The following EXOC6B variants were observed in gnomAD, a reference collection of about 807,000 sequenced individuals.
EXOC6B encodes the protein SEC15 homolog B.
Under a neutral mutation model 113.5 loss-of-function variants are expected in EXOC6B, and 54 were observed. The ratio of observed to expected loss-of-function variants is 0.48; its 90% CI spans 0.38 to 0.60. The LOEUF is 0.60. EXOC6B is among the 20% of genes least tolerant of loss of function. EXOC6B has a pLI of 0.00. For synonymous variants in EXOC6B, 357 were observed against 339.0 expected, an observed-to-expected ratio of 1.05 and a Z score of -0.58; for missense variants, 797 against 977.5, an observed-to-expected ratio of 0.82 and a Z score of 2.46.
intron 11 of EXOC6B, among the ~76,000 whole-genome samples, chr2:72,501,158 G>T (rs529275668): frequency 6.6e-6 from 1 of 152,188 alleles, no homozygotes; most frequent in Non-Finnish European, 1.5e-5. Flanking sequence ...CTAGTGATAT[G>T]GTTTGGATAT....
chr2:72,773,198 C>T (rs546661046), intron 1 of EXOC6B, among the ~76,000 whole-genome samples: 133 of 136,252 alleles, frequency 9.8e-4, no homozygotes, highest in Non-Finnish European at 1.7e-3. Flanking sequence ...GCAATCATGA[C>T]TCACTGCAGC....
intron 6 of EXOC6B, among the ~76,000 whole-genome samples, chr2:72,709,053 AT>A (rs1245125405): frequency 6.6e-6 from 1 of 150,960 alleles, no homozygotes; most frequent in Non-Finnish European, 1.5e-5. Flanking sequence ...TATAATTAAA[AT>A]TTAAAAAAAA....
Position 72,697,308 on chromosome 2 carries a change from A to T in EXOC6B, c.669+20795T>A, listed in dbSNP as rs1048878842. Among the ~76,000 whole-genome samples the T allele has an allele frequency of 3.4e-4, 52 of 152,086 alleles. 1 individual carries two copies. Among genetic ancestry groups the T allele is most frequent in the African/African-American group, 1.2e-3 (50 of 41,408 alleles). On this transcript the variant is annotated intron_variant, in intron 6 of 21. Transcript: ENST00000272427. ...CCACTTCCTTTGAAGAAAATTCAAA[A>T]TTTTTTAAGAAAATCTCTTAAAAAT...
chr2:72,690,089 G>A (rs1677374026), intron 6 of EXOC6B, among the ~76,000 whole-genome samples: 1 of 152,108 alleles, frequency 6.6e-6, no homozygotes, highest in South Asian at 2.1e-4. Flanking sequence ...CTGCCTATGA[G>A]GCTATGAGGA....
intron 18 of EXOC6B, among the ~76,000 whole-genome samples, chr2:72,395,133 G>C (rs1692640473): frequency 6.6e-6 from 1 of 152,076 alleles, no homozygotes; most frequent in African/African-American, 2.4e-5. Flanking sequence ...TTAATAATGT[G>C]ACAAAGCAAG....
chr2:72,746,636 A>G (rs1681715087), intron 1 of EXOC6B, among the ~76,000 whole-genome samples: 1 of 152,132 alleles, frequency 6.6e-6, no homozygotes, highest in Admixed American at 6.6e-5. Context: ...CTTAGAGCCT[A>G]TATTAATTCA....
chr2:72,179,292 C>A lies in EXOC6B; in HGVS notation c.*43G>T. 6.5e-7 allele frequency: 1 copy of A among 1,535,132 alleles called. No homozygotes were observed. Among genetic ancestry groups the A allele is most frequent in the Non-Finnish European group, 8.8e-7 (1 of 1,141,014 alleles). Reference sequence around the variant, plus strand: ...GCTGGGGCTGGACCCCAGACTGACACAGAGGCTGCAGCAGGTCGCCTCTGT... The same window carrying A: ...GCTGGGGCTGGACCCCAGACTGACAAAGAGGCTGCAGCAGGTCGCCTCTGT... On this transcript the variant is annotated 3_prime_UTR_variant, in exon 22 of 22. Coordinates refer to ENST00000272427, the MANE Select transcript of EXOC6B (RefSeq NM_015189.3).
chr2:72,258,361 C>CTTTTTTTTTTTTTTTTTTTTT (rs967346322), intron 20 of EXOC6B, among the ~76,000 whole-genome samples: 4 of 124,838 alleles, frequency 3.2e-5, no homozygotes, highest in African/African-American at 3.0e-5. Context: ...TTATCTTTTT[C>CTTTTTTTTTTTTTTTTTTTTT]TTTTTTTTTT....
At chr2:72,189,788 C>A (rs1002894843) in intron 20 of EXOC6B, among the ~76,000 whole-genome samples, 4 of 142,836 alleles carry the variant, frequency 2.8e-5, no homozygotes, top group Non-Finnish European at 4.6e-5. Flanking sequence ...CTTTCCTTTC[C>A]TTTCCTTCCT....
chr2:72,524,150 TAAAA>T (rs372964134), intron 8 of EXOC6B, among the ~76,000 whole-genome samples: 3 of 116,752 alleles, frequency 2.6e-5, no homozygotes, highest in African/African-American at 6.1e-5. Flanking sequence ...ATACAGAGTT[TAAAA>T]AAAAAAAAAA....
At chr2:72,593,257 C>T (rs7601318) in intron 6 of EXOC6B, among the ~76,000 whole-genome samples, 133,217 of 152,040 alleles carry the variant, frequency 0.88, 58,515 homozygotes, top group East Asian at 0.99. Flanking sequence ...AAGTATTTCT[C>T]TGAGTTCTGT....
intron 18 of EXOC6B, among the ~76,000 whole-genome samples, chr2:72,448,746 G>A (rs551668810): frequency 3.3e-5 from 5 of 152,136 alleles, no homozygotes; most frequent in African/African-American, 1.2e-4. Flanking sequence ...AATGTAAATG[G>A]CCCAAAACTA....
intron 20 of EXOC6B, among the ~76,000 whole-genome samples, chr2:72,272,183 G>A (rs1328040085): frequency 6.6e-6 from 1 of 152,134 alleles, no homozygotes; most frequent in Non-Finnish European, 1.5e-5. Context: ...GTGAGCCAAG[G>A]TGCCAGGGGG....
intron 8 of EXOC6B, among the ~76,000 whole-genome samples, chr2:72,541,095 G>A (rs931524809): frequency 1.3e-5 from 2 of 152,166 alleles, no homozygotes; most frequent in African/African-American, 4.8e-5. Flanking sequence ...ATTGAATCAT[G>A]GAGGCTGGTC....
intron 20 of EXOC6B, among the ~76,000 whole-genome samples, chr2:72,279,486 A>C (rs1278420821): frequency 6.6e-6 from 1 of 152,206 alleles, no homozygotes; most frequent in Non-Finnish European, 1.5e-5. Context: ...GTATGTGATA[A>C]AACATGATTC....
intron 20 of EXOC6B, among the ~76,000 whole-genome samples, chr2:72,257,297 T>C (rs1358809265): frequency 6.6e-6 from 1 of 152,226 alleles, no homozygotes; most frequent in Non-Finnish European, 1.5e-5. Flanking sequence ...AGGATCTGTT[T>C]GACTAAATAA....
chr2:72,609,194 G>C (rs1670919152), intron 6 of EXOC6B, among the ~76,000 whole-genome samples: 1 of 152,056 alleles, frequency 6.6e-6, no homozygotes, highest in East Asian at 1.9e-4. Context: ...AAAATTATGA[G>C]ACATGGGAAA....
chr2:72,284,457 G>A (rs145997250), intron 20 of EXOC6B, among the ~76,000 whole-genome samples: 39 of 151,968 alleles, frequency 2.6e-4, no homozygotes, highest in African/African-American at 8.9e-4. Context: ...CAACACAGTA[G>A]GAAAAGTTTA....
intron 1 of EXOC6B, among the ~76,000 whole-genome samples, chr2:72,790,660 A>G (rs1334933731): frequency 6.6e-6 from 1 of 152,218 alleles, no homozygotes; most frequent in Admixed American, 6.5e-5. Context: ...TAGAAAACAA[A>G]ATAAGAGTCT....
Sources: allele counts gnomAD v4.1 joint callset (sites outside exome capture counted in the v4.1 genomes callset), GRCh38; gene constraint gnomAD v4.1.1; transcripts MANE v1.5; gene names NCBI Gene and HGNC (gene_info 2026-07-23, HGNC 2026-07-21).